PEG3: variants seen among roughly 807,000 people sequenced by gnomAD.
PEG3 encodes the protein paternally-expressed gene 3 protein.
A neutral mutation model predicts 35.5 loss-of-function variants in PEG3; 23 were observed. The ratio of observed to expected loss-of-function variants is 0.65; its 90% confidence interval spans 0.47 to 0.92. The LOEUF is 0.92. Ranked by LOEUF, PEG3 falls within the 40% of genes least tolerant of loss-of-function variation. The pLI, the probability that PEG3 is intolerant of heterozygous loss-of-function variation, is 0.00. For synonymous variants in PEG3, 707 were observed against 697.0 expected (o/e 1.01, Z -0.23); for missense variants, 1,960 against 1,985.3 (o/e 0.99, Z 0.24).
chr19:56,822,836 C>A lies in PEG3; in HGVS notation c.482G>T (p.Ser161Ile). The change falls in exon 6 of 10, where the codon AGT (serine) becomes ATT (isoleucine). Residue 161 changes from serine (S) to isoleucine (I), a missense_variant and splice_region_variant. Physicochemically the swap from Ser to Ile is moderately radical, Grantham distance 142. Around this residue, in one of 5 missense-constraint regions of PEG3, gnomAD observed 613 missense variants for 577.1 expected, o/e 1.06. Coordinates refer to ENST00000326441, the MANE Select transcript of PEG3 (RefSeq NM_006210.3). ...GCCCCTCCGGTCCCAGTCCCGGTCA[C>A]CTAAGCAGGTGAGACATTCCAGTGG... is the stretch of plus-strand genomic sequence containing the variant. ...SSPPHSVHSFSDRDWDRRGRS... is the reference protein window; with the variant it reads ...SSPPHSVHSFIDRDWDRRGRS... 1 of 1,613,264 alleles carries A rather than the reference C, an allele frequency of 6.2e-7. No homozygotes were observed. The highest frequency in any genetic ancestry group is 1.7e-5 in the Admixed American group (1 of 59,938).
chr19:56,818,993 C>A (rs2060231902), intron 7 of PEG3, among the ~76,000 whole-genome samples: 1 of 152,120 alleles, frequency 6.6e-6, no homozygotes, highest in Non-Finnish European at 1.5e-5. Flanking sequence ...GAACAATAAA[C>A]AATAAATCGG....
At position 56,813,768 on chromosome 19, in the gene PEG3, T is replaced by C; in HGVS notation, c.4674A>G (p.Gln1558=). The C allele has an allele frequency of 6.2e-7, 1 of 1,614,144 alleles. No homozygotes were observed. Among genetic ancestry groups the C allele is most frequent in the South Asian group, 1.1e-5 (1 of 91,084 alleles). ...RASTSTGGAN[Q]ADEKYFKCDV... Reference sequence around the variant, plus strand: ...CACATTTGAAGTACTTCTCATCAGCTTGATTGGCACCACCTGTGCTGGTGC... The same window carrying C: ...CACATTTGAAGTACTTCTCATCAGCCTGATTGGCACCACCTGTGCTGGTGC... Residue 1558 remains glutamine (Q), a synonymous_variant, in exon 10 of 10, where the codon CAA becomes CAG. Transcript: ENST00000326441.
At position 56,836,048 on chromosome 19, in the gene PEG3, G is replaced by A. The variant is rs575350610; in HGVS notation, c.-193C>T. ...CCCAGCCACCTAGCGTTTGGACCTA[G>A]TCCCTCTTCCTCTCGCCAGTCGTCT... On this transcript the variant is annotated 5_prime_UTR_variant, in exon 2 of 10. Coordinates refer to ENST00000326441, the MANE Select transcript of PEG3 (RefSeq NM_006210.3). 3.5e-5 allele frequency: 18 copies of A among 510,436 alleles called. No homozygotes were observed. Among genetic ancestry groups the A allele is most frequent in the Middle Eastern group, 3.2e-4 (1 of 3,160 alleles). 31.6% of individuals were successfully genotyped at this position (510,436 alleles called of 1,614,324 possible).
At position 56,810,596 on chromosome 19, in the gene PEG3, C is replaced by A; in HGVS notation, c.*3079G>T. The A allele has an allele frequency of 1.7e-5, 16 of 929,684 alleles. No individual in the cohort carries two copies. Among genetic ancestry groups the A allele is most frequent in the Non-Finnish European group, 2.1e-5 (16 of 779,264 alleles). 57.6% of individuals were successfully genotyped at this position (929,684 alleles called of 1,614,324 possible). On this transcript the variant is annotated 3_prime_UTR_variant, in exon 10 of 10. Coordinates refer to ENST00000326441, the MANE Select transcript of PEG3 (RefSeq NM_006210.3). ...TTATATTTGTAATGGAAAATACATA[C>A]ATAAAATTTATTACCAAAACACCAA... is the stretch of plus-strand genomic sequence containing the variant.
rs2059523067 is a variant in PEG3 at position 56,811,260 on chromosome 19, C to T, written c.*2415G>A. On this transcript the variant is annotated 3_prime_UTR_variant, in exon 10 of 10. Coordinates refer to ENST00000326441, the MANE Select transcript of PEG3 (RefSeq NM_006210.3). ...CTCAACTATAAGCCTACAACAACAA[C>T]ACCACAACAGCTTTTGACTATAAGC... is the stretch of plus-strand genomic sequence containing the variant. 1.1e-6 allele frequency: 1 copy of T among 946,018 alleles called. No homozygotes were observed. The highest frequency in any genetic ancestry group is 1.3e-6 in the Non-Finnish European group (1 of 794,208). The allele number at this position is 946,018 out of a possible 1,614,324, so 58.6% of individuals were successfully genotyped here.
intron 6 of PEG3, 101 bp downstream of exon 6, chr19:56,822,652 T>C (rs1320115208): frequency 1.3e-6 from 2 of 1,492,718 alleles, no homozygotes; most frequent in African/African-American, 2.8e-5. Context: ...ATACTCCAAA[T>C]GGAGCAGCAG....
intron 6 of PEG3, chr19:56,822,446 A>G (rs1450721058): frequency 6.2e-6 from 2 of 322,252 alleles, no homozygotes; most frequent in African/African-American, 4.3e-5. Context: ...GGCACTTCAT[A>G]CTAGTTTTCA....
intron 7 of PEG3, among the ~76,000 whole-genome samples, chr19:56,820,234 G>A (rs2060351493): frequency 6.6e-6 from 1 of 152,186 alleles, no homozygotes; most frequent in Non-Finnish European, 1.5e-5. Context: ...CTATACATGT[G>A]AACAATTAAG....
chr19:56,840,036 C>T (rs2146782368), intron 1 of PEG3, among the ~76,000 whole-genome samples: 1 of 152,374 alleles, frequency 6.6e-6, no homozygotes, highest in Admixed American at 6.5e-5. Flanking sequence ...AAGCCCCGCC[C>T]CCAGAGGGTA....
rs2060808786 is a variant in PEG3, at chr19:56,824,332, T to C, written c.324A>G (p.Ala108=). 2 of 1,614,156 alleles carry C rather than the reference T, an allele frequency of 1.2e-6. No individual in the cohort carries two copies. Among genetic ancestry groups the C allele is most frequent in the Non-Finnish European group, 1.7e-6 (2 of 1,180,038 alleles). Residue 108 remains alanine (A), a synonymous_variant, in exon 4 of 10, where the codon GCA becomes GCG. Transcript: ENST00000326441. ...IPEKLKPWVR[A]KKPENCEKLV... ...GCTTCTCACAGTTCTCCGGCTTTTT[T>C]GCTCGCACCCAAGGCTTGAGCTTTT...
In PEG3 at chr19:56,816,891, A is replaced by C. The variant is rs946087629; in HGVS notation, c.1551T>G (p.Ser517Arg). The C allele has an allele frequency of 1.3e-5, 21 of 1,613,944 alleles. No individual in the cohort carries two copies. Among genetic ancestry groups the C allele is most frequent in the Non-Finnish European group, 1.8e-5 (21 of 1,179,988 alleles). The stretch of plus-strand genomic sequence containing the variant: ...TCTTCCGATGTTCAGCCAAGGCGGC[A>C]CTCTTATTGAAGGTCTCTCCACAGT... ...CKDCGETFNK[S>R]AALAEHRKIH... The change falls in exon 10 of 10, where the codon AGT (serine) becomes AGG (arginine). Residue 517 changes from serine (S) to arginine (R), a missense_variant. By Grantham distance (110) the Ser-to-Arg change is moderately radical (BLOSUM62 -1). This residue lies in a region of PEG3 where 798 missense variants were observed against 782.4 expected (regional missense o/e 1.02). Coordinates refer to ENST00000326441, the MANE Select transcript of PEG3 (RefSeq NM_006210.3).
At position 56,816,726 on chromosome 19, in the gene PEG3, G is replaced by A. The variant is rs1274541478; in HGVS notation, c.1716C>T (p.Phe572=). Reference sequence around the variant, plus strand: ...GCTCAATCAGGGCAGAACTATGAAGGAAGGTTTCCTTACACACCCTGCACT... The same window carrying A: ...GCTCAATCAGGGCAGAACTATGAAGAAAGGTTTCCTTACACACCCTGCACT... ...FYECRVCKET[F]LHSSALIEHQ... Residue 572 remains phenylalanine, a synonymous_variant, in exon 10 of 10, where the codon TTC becomes TTT. Transcript: ENST00000326441. 1.2e-6 allele frequency: 2 copies of A among 1,613,994 alleles called. No individual in the cohort carries two copies. Among genetic ancestry groups the A allele is most frequent in the African/African-American group, 1.3e-5 (1 of 74,894 alleles).
Position 56,814,359 on chromosome 19 carries a change from ATCTTCTTCT to A in PEG3, c.4074_4082del (p.Glu1358_Glu1360del). ...CTGCTGCTGCAGCTGCTGCTGCTTC[ATCTTCTTCT>A]TCTTCTTCCAGATGAAGCTCCTTAT... On this transcript the variant is annotated inframe_deletion, in exon 10 of 10. Transcript: ENST00000326441. This position sits in a 1 kb window ranked among gnomAD's most constrained non-coding sequence, Gnocchi z 5.8. The A allele has an allele frequency of 1.2e-6, 2 of 1,613,174 alleles. No homozygotes were observed. The highest frequency in any genetic ancestry group is 1.7e-6 in the Non-Finnish European group (2 of 1,179,272).
At chr19:56,830,489 G>A (rs1326271712) in intron 2 of PEG3, among the ~76,000 whole-genome samples, 2 of 152,174 alleles carry the variant, frequency 1.3e-5, no homozygotes, top group Non-Finnish European at 2.9e-5. Flanking sequence ...ATGCAAACAA[G>A]CATGTTATTA....
chr19:56,813,899 T>C lies in PEG3; in HGVS notation c.4543A>G (p.Thr1515Ala). ...TGTTCACTGAATGCTGTGCTGGAAG[T>C]GAAGGTTTCTGTGCATTCATGGCAG... ...YDCHECTETFTSSTAFSEHLK... is the reference protein window; with the variant it reads ...YDCHECTETFASSTAFSEHLK... Residue 1515 changes from threonine (T) to alanine (A), a missense_variant, in exon 10 of 10, where the codon ACT becomes GCT. Transcript: ENST00000326441. 6.2e-7 allele frequency: 1 copy of C among 1,614,208 alleles called. No individual in the cohort carries two copies. Among genetic ancestry groups the C allele is most frequent in the Non-Finnish European group, 8.5e-7 (1 of 1,180,026 alleles).
At chr19:56,840,218 T>C (rs1019965587) in intron 1 of PEG3, among the ~76,000 whole-genome samples, 9 of 152,180 alleles carry the variant, frequency 5.9e-5, no homozygotes, top group Admixed American at 4.6e-4. Context: ...AGCCCCCGGC[T>C]GTCTGCCCTA....
At position 56,813,639 on chromosome 19, in the gene PEG3, C is replaced by T; in HGVS notation, c.*36G>A. ...CTCTGTGGTTTGGTAAGGGTCAAGT[C>T]CTAGGTGAAGGTTTTCTAACCTTTA... On this transcript the variant is annotated 3_prime_UTR_variant, in exon 10 of 10. Coordinates refer to ENST00000326441, the MANE Select transcript of PEG3 (RefSeq NM_006210.3). 1.9e-6 allele frequency: 3 copies of T among 1,582,920 alleles called. No individual in the cohort carries two copies. Among genetic ancestry groups the T allele is most frequent in the Non-Finnish European group, 2.6e-6 (3 of 1,162,324 alleles).
In PEG3 at chr19:56,821,652, T is replaced by TGAG; in HGVS notation, c.665_667dup (p.Ser222_Gln223insPro). 6.2e-7 allele frequency: 1 copy of TGAG among 1,613,672 alleles called. No individual in the cohort carries two copies. The highest frequency in any genetic ancestry group is 1.1e-5 in the South Asian group (1 of 91,050). ...GAAAGAGAGGAAACCTGAGCATACC[T>TGAG]GAGATCGGGACTCATAAGCCCTGGA... is the stretch of plus-strand genomic sequence containing the variant. On this transcript the variant is annotated inframe_insertion and splice_region_variant, in exon 7 of 10. Coordinates refer to ENST00000326441, the MANE Select transcript of PEG3 (RefSeq NM_006210.3).
chr19:56,829,343 C>CAAAAA (rs35948458), intron 2 of PEG3, among the ~76,000 whole-genome samples: 4 of 86,636 alleles, frequency 4.6e-5, no homozygotes, highest in Non-Finnish European at 6.9e-5. Flanking sequence ...GACTCCATCT[C>CAAAAA]AAAAAAAAAA....
Sources: gnomAD v4.1 joint callset for allele counts (sites outside exome capture counted in the v4.1 genomes callset) on GRCh38, gnomAD v4.1.1 for gene constraint, gnomAD v4.1.1 regional missense constraint, Gnocchi (gnomAD v3.1) non-coding constraint, MANE v1.5 for transcripts, NCBI Gene and HGNC (gene_info 2026-07-23, HGNC 2026-07-21) for gene names.